NAALADL2: variants seen among roughly 807,000 people sequenced by gnomAD.
The protein encoded by NAALADL2 is N-acetylated alpha-linked acidic dipeptidase like 2.
A neutral mutation model predicts 87.2 loss-of-function variants in NAALADL2; 76 were observed. That is an observed-to-expected ratio of 0.87 (90% CI 0.72 to 1.05). The LOEUF is 1.05. Ranked by LOEUF, NAALADL2 falls within the 50% of genes least tolerant of loss-of-function variation. NAALADL2 has a pLI of 0.00. For synonymous variants in NAALADL2, 354 were observed against 331.0 expected, an observed-to-expected ratio of 1.07 and a Z score of -0.75; for missense variants, 1,089 against 945.8, an observed-to-expected ratio of 1.15 and a Z score of -1.99.
intron 5 of NAALADL2, among the ~76,000 whole-genome samples, chr3:175,360,407 T>C (rs544602872): frequency 6.6e-6 from 1 of 152,216 alleles, no homozygotes; most frequent in South Asian, 2.1e-4. Context: ...TTTCCCTCTT[T>C]CTTTCTCTTC....
At chr3:175,771,506 T>C (rs972144468) in intron 13 of NAALADL2, among the ~76,000 whole-genome samples, 6 of 152,152 alleles carry the variant, frequency 3.9e-5, no homozygotes, top group Non-Finnish European at 8.8e-5. Context: ...AGGCCAGAAG[T>C]CTGAGATCAA....
chr3:175,337,976 C>A (rs758211246), intron 5 of NAALADL2, among the ~76,000 whole-genome samples: 4 of 151,638 alleles, frequency 2.6e-5, no homozygotes, highest in Non-Finnish European at 5.9e-5. Flanking sequence ...TGTATGGAAA[C>A]CCTGCCTAAT....
rs149166633 is a variant in NAALADL2 at position 175,342,209 on chromosome 3, G to A, written c.1090+17884G>A. 4.1e-4 allele frequency among the ~76,000 whole-genome samples: 63 copies of A among 152,150 alleles called. No homozygotes were observed. In the East Asian group the frequency reaches 7.7e-3, roughly 19 times the overall value. ...TTTGATGAAATGCTTTTAAAAAGAA[G>A]TGTCAGAAAAAAATATATATGAAGT... On this transcript the variant is annotated intron_variant, in intron 5 of 13. Transcript: ENST00000454872.
intron 2 of NAALADL2, among the ~76,000 whole-genome samples, chr3:175,144,529 G>A (rs1290965965): frequency 6.6e-6 from 1 of 151,930 alleles, no homozygotes; most frequent in Non-Finnish European, 1.5e-5. Context: ...CAGAAAGAGT[G>A]AAACTTTCTT....
intron 2 of NAALADL2, among the ~76,000 whole-genome samples, chr3:174,579,154 C>A (rs1239212736): frequency 6.6e-6 from 1 of 151,942 alleles, no homozygotes; most frequent in Non-Finnish European, 1.5e-5. Flanking sequence ...AAAGTCTCAG[C>A]ATTTTCTTAT....
chr3:175,723,453 A>G (rs1046646558), intron 11 of NAALADL2, among the ~76,000 whole-genome samples: 4 of 152,158 alleles, frequency 2.6e-5, no homozygotes, highest in African/African-American at 9.7e-5. Context: ...ACATTTAGAT[A>G]TTATACTTTT....
chr3:175,424,682 T>C (rs1254740746), intron 5 of NAALADL2, among the ~76,000 whole-genome samples: 4 of 152,176 alleles, frequency 2.6e-5, no homozygotes, highest in African/African-American at 9.6e-5. Flanking sequence ...TTTTTGTTAC[T>C]GTAGCCTTGT....
intron 9 of NAALADL2, among the ~76,000 whole-genome samples, chr3:175,545,136 CA>C (rs1713082076): frequency 1.3e-5 from 2 of 152,026 alleles, no homozygotes; most frequent in Admixed American, 6.6e-5. Context: ...ACTCATTTAA[CA>C]GAAAAAGAAA....
intron 2 of NAALADL2, among the ~76,000 whole-genome samples, chr3:174,705,336 A>G (rs1348202537): frequency 3.3e-5 from 5 of 152,208 alleles, no homozygotes; most frequent in African/African-American, 7.2e-5. Flanking sequence ...TTCTCATTAT[A>G]ATAAAATGGA....
chr3:175,682,718 TC>T (rs1407253457), intron 11 of NAALADL2, among the ~76,000 whole-genome samples: 4 of 152,074 alleles, frequency 2.6e-5, no homozygotes. Flanking sequence ...ATTCTTTTTT[TC>T]AATTTTATAG....
rs529985460 is a variant in NAALADL2 at position 175,607,394 on chromosome 3, T to C, written c.1801-19897T>C. The stretch of plus-strand genomic sequence containing the variant: ...TTTTTTCCTTCCACTCTGCTAACTT[T>C]ATACATATTTTGTCATATCAAAAAC... On this transcript the variant is annotated intron_variant, in intron 10 of 13. Coordinates refer to ENST00000454872, the MANE Select transcript of NAALADL2 (RefSeq NM_207015.3). 1.1e-3 allele frequency among the ~76,000 whole-genome samples: 163 copies of C among 152,322 alleles called. 1 individual carries two copies. Among genetic ancestry groups the C allele is most frequent in the African/African-American group, 3.5e-3 (147 of 41,580 alleles).
intron 2 of NAALADL2, among the ~76,000 whole-genome samples, chr3:174,590,871 T>C (rs188694375): frequency 6.6e-6 from 1 of 152,080 alleles, no homozygotes; most frequent in Non-Finnish European, 1.5e-5. Flanking sequence ...ACTAGCTATT[T>C]CGGTGAAATG....
chr3:175,622,410 C>G (rs1305801682), intron 10 of NAALADL2, among the ~76,000 whole-genome samples: 1 of 152,040 alleles, frequency 6.6e-6, no homozygotes, highest in Non-Finnish European at 1.5e-5. Context: ...TTAAAACGAA[C>G]TCTAGTGTAT....
rs555078910 is a variant in NAALADL2 at position 174,635,783 on chromosome 3, G to A, written c.-115+85146G>A. 5.3e-5 allele frequency among the ~76,000 whole-genome samples: 8 copies of A among 152,160 alleles called. No individual in the cohort carries two copies. The East Asian group carries it at 1.4e-3, about 26-fold the overall frequency. On this transcript the variant is annotated intron_variant, in intron 2 of 3. Coordinates refer to the NAALADL2 transcript ENST00000434257. ...CTCCCAAAGTGCTGGGATTACAGGCGTGAGCCACCACGTCTGGACGATATT... is the reference window on the plus strand; with the variant it reads ...CTCCCAAAGTGCTGGGATTACAGGCATGAGCCACCACGTCTGGACGATATT...
At chr3:175,697,467 G>T (rs2149943409) in intron 11 of NAALADL2, among the ~76,000 whole-genome samples, 1 of 150,772 alleles carries the variant, frequency 6.6e-6, no homozygotes, top group East Asian at 2.0e-4. Context: ...TGTTACTTTT[G>T]ATTTTAGGTG....
At chr3:175,132,662 ACCCCTCCACCTCCCTCCCGGACG>A (rs1372161225) in intron 2 of NAALADL2, among the ~76,000 whole-genome samples, 8 of 102,334 alleles carry the variant, frequency 7.8e-5, no homozygotes, top group South Asian at 3.6e-4. Context: ...CGGGGGGCTG[ACCCCTCCACCTCCCTCCCGGACG>A]GGGCAGCTGG....
chr3:174,713,867 T>C (rs562584479), intron 2 of NAALADL2, among the ~76,000 whole-genome samples: 19 of 152,158 alleles, frequency 1.2e-4, no homozygotes, highest in African/African-American at 3.9e-4. Flanking sequence ...AGACATGAAG[T>C]CCTTGCCCAT....
At chr3:174,980,763 T>G (rs1745004867) in intron 1 of NAALADL2, among the ~76,000 whole-genome samples, 1 of 152,170 alleles carries the variant, frequency 6.6e-6, no homozygotes, top group South Asian at 2.1e-4. Context: ...TATTTTTCTG[T>G]GTATTATACT....
intron 9 of NAALADL2, among the ~76,000 whole-genome samples, chr3:175,512,165 G>T (rs527240379): frequency 1.4e-4 from 22 of 152,250 alleles, no homozygotes; most frequent in African/African-American, 2.9e-4. Context: ...GATTAATTGA[G>T]CCCTGGAGGT....
Sources: gnomAD v4.1 joint callset for allele counts (sites outside exome capture counted in the v4.1 genomes callset) on GRCh38, gnomAD v4.1.1 for gene constraint, MANE v1.5 for transcripts, NCBI Gene and HGNC (gene_info 2026-07-23, HGNC 2026-07-21) for gene names.